NELL1: variants seen among roughly 807,000 people sequenced by gnomAD.
NELL1 encodes the protein neural EGFL like 1.
In NELL1, 76 loss-of-function variants were observed where a neutral mutation model predicts 107.4. The observed-to-expected ratio is 0.71, with a 90% CI of 0.59 to 0.86. The LOEUF (loss-of-function observed/expected upper bound fraction) is 0.86, where lower values mean the gene tolerates loss of function less well. NELL1 is among the 40% of genes least tolerant of loss of function. NELL1 has a pLI of 0.00. For missense variants in NELL1, 1,024 were observed against 1,005.5 expected (o/e 1.02, Z -0.25); for synonymous variants, 353 against 341.2 (o/e 1.03, Z -0.38).
intron 17 of NELL1, among the ~76,000 whole-genome samples, chr11:21,566,663 T>G (rs748733997): frequency 4.0e-5 from 6 of 151,826 alleles, no homozygotes; most frequent in Non-Finnish European, 7.4e-5. Context: ...GAGATCAAGC[T>G]CTGGAAACAG....
chr11:21,120,775 A>G (rs1361746733), intron 13 of NELL1, among the ~76,000 whole-genome samples: 1 of 152,178 alleles, frequency 6.6e-6, no homozygotes, highest in Non-Finnish European at 1.5e-5. Context: ...AAGTCAAAAT[A>G]AAGCATGTGC....
chr11:21,387,836 C>G (rs1442734534), intron 15 of NELL1, among the ~76,000 whole-genome samples: 2 of 151,766 alleles, frequency 1.3e-5, no homozygotes, highest in Admixed American at 6.6e-5. Flanking sequence ...TAAGGGATTG[C>G]TATAATAGTA....
chr11:21,382,078 A>G (rs1006980821), intron 15 of NELL1, among the ~76,000 whole-genome samples: 1 of 151,748 alleles, frequency 6.6e-6, no homozygotes, highest in African/African-American at 2.4e-5. Flanking sequence ...CCTTCTACAA[A>G]TATTTTCTTA....
chr11:20,669,863 C>T lies in NELL1; in HGVS notation c.55+85C>T, dbSNP rs1355180436. On this transcript the variant is annotated intron_variant, in intron 1 of 19. Coordinates refer to ENST00000357134, the MANE Select transcript of NELL1 (RefSeq NM_006157.5). This position sits in a 1 kb window ranked among gnomAD's most constrained non-coding sequence, Gnocchi z 4.4. ...CGGCGTGGGGAGACCTGGAGCCGAG[C>T]TTTGCGCTGGTCTGGGGAACGGCGG... is the stretch of plus-strand genomic sequence containing the variant. The T allele has an allele frequency of 4.3e-6, 5 of 1,156,610 alleles. No individual in the cohort carries two copies. In the Admixed American group the frequency reaches 5.2e-5, roughly 12 times the overall value. The allele number at this position is 1,156,610 out of a possible 1,614,324, so 71.6% of individuals were successfully genotyped here.
chr11:21,007,902 G>A (rs1030109522), intron 12 of NELL1, among the ~76,000 whole-genome samples: 1 of 152,098 alleles, frequency 6.6e-6, no homozygotes, highest in African/African-American at 2.4e-5. Flanking sequence ...ATCCACATTT[G>A]TTAATTTGCA....
intron 15 of NELL1, among the ~76,000 whole-genome samples, chr11:21,512,300 A>G (rs1161789301): frequency 6.6e-6 from 1 of 152,062 alleles, no homozygotes; most frequent in Non-Finnish European, 1.5e-5. Flanking sequence ...ACCTTATCCC[A>G]CCTCTGTTAG....
At chr11:21,393,967 A>AT (rs1358819338) in intron 15 of NELL1, among the ~76,000 whole-genome samples, 1 of 151,650 alleles carries the variant, frequency 6.6e-6, no homozygotes, top group Non-Finnish European at 1.5e-5. Flanking sequence ...CAGTAGTTAG[A>AT]ATTCTACCAA....
At chr11:21,226,849 G>A (rs1039517403) in intron 13 of NELL1, among the ~76,000 whole-genome samples, 1 of 152,190 alleles carries the variant, frequency 6.6e-6, no homozygotes, top group Non-Finnish European at 1.5e-5. Context: ...GTTTGAAGTG[G>A]TGTCTGAAGC....
intron 15 of NELL1, among the ~76,000 whole-genome samples, chr11:21,453,217 C>A (rs1412881659): frequency 6.6e-6 from 1 of 152,054 alleles, no homozygotes; most frequent in Non-Finnish European, 1.5e-5. Context: ...CTTAAAATAT[C>A]CTACTATAAT....
At chr11:20,694,699 A>T (rs1854568270) in intron 2 of NELL1, among the ~76,000 whole-genome samples, 1 of 152,090 alleles carries the variant, frequency 6.6e-6, no homozygotes, top group South Asian at 2.1e-4. Context: ...GGTAATAGAA[A>T]ATATAGAAGT....
chr11:21,465,710 CA>C (rs1854012825), intron 15 of NELL1, among the ~76,000 whole-genome samples: 2 of 152,002 alleles, frequency 1.3e-5, no homozygotes, highest in Non-Finnish European at 2.9e-5. Flanking sequence ...GATAAGTACA[CA>C]ATAAAATCCA....
intron 14 of NELL1, among the ~76,000 whole-genome samples, chr11:21,307,351 T>G (rs1489362200): frequency 6.6e-6 from 1 of 151,902 alleles, no homozygotes; most frequent in African/African-American, 2.4e-5. Context: ...TGTGTGTATG[T>G]TTTTGTACAT....
chr11:21,349,668 T>A (rs1850759207), intron 14 of NELL1, among the ~76,000 whole-genome samples: 1 of 152,066 alleles, frequency 6.6e-6, no homozygotes, highest in Non-Finnish European at 1.5e-5. Context: ...AGTTTGGGAA[T>A]GTATATGTTA....
intron 14 of NELL1, among the ~76,000 whole-genome samples, chr11:21,261,853 A>G (rs189364388): frequency 6.6e-5 from 10 of 152,000 alleles, no homozygotes; most frequent in African/African-American, 2.2e-4. Context: ...CCTAGAGGCA[A>G]CCACTTTCAA....
chr11:21,236,634 A>C (rs1858213954), intron 14 of NELL1, among the ~76,000 whole-genome samples: 1 of 152,124 alleles, frequency 6.6e-6, no homozygotes, highest in African/African-American at 2.4e-5. Flanking sequence ...GAAATGATAA[A>C]ATCCTTTGGC....
At chr11:20,737,451 CA>C (rs539819579) in intron 2 of NELL1, among the ~76,000 whole-genome samples, 1 of 151,920 alleles carries the variant, frequency 6.6e-6, no homozygotes, top group South Asian at 2.1e-4. Context: ...TAACTTGCTA[CA>C]AAAAAATCCA....
At chr11:21,087,220 G>C (rs1854416085) in intron 12 of NELL1, among the ~76,000 whole-genome samples, 1 of 152,094 alleles carries the variant, frequency 6.6e-6, no homozygotes, top group African/African-American at 2.4e-5. Flanking sequence ...TTATTTCATT[G>C]TCAAGAGCAA....
chr11:21,104,461 G>T lies in NELL1; in HGVS notation c.1301-9128G>T, dbSNP rs11025921. 9.3e-3 allele frequency among the ~76,000 whole-genome samples: 1,412 copies of T among 152,216 alleles called. 23 individuals carry two copies. Among genetic ancestry groups the T allele is most frequent in the African/African-American group, 0.032 (1,343 of 41,518 alleles). The stretch of plus-strand genomic sequence containing the variant: ...TGATTCTGAAATTGAGCCTAGCAAG[G>T]GGAAATAAAAATGACTTAGCATGAA... On this transcript the variant is annotated intron_variant, in intron 12 of 19. Transcript: ENST00000357134.
At chr11:21,185,597 A>G (rs1227940362) in intron 13 of NELL1, among the ~76,000 whole-genome samples, 2 of 151,588 alleles carry the variant, frequency 1.3e-5, no homozygotes, top group South Asian at 2.1e-4. Context: ...ACCTGGCCCT[A>G]TCGTTTTTTT....
Sources: gnomAD v4.1 joint callset for allele counts (sites outside exome capture counted in the v4.1 genomes callset) on GRCh38, gnomAD v4.1.1 for gene constraint, Gnocchi (gnomAD v3.1) non-coding constraint, MANE v1.5 for transcripts, NCBI Gene and HGNC (gene_info 2026-07-23, HGNC 2026-07-21) for gene names.